Variants in SPON1 observed in about 807,000 individuals in gnomAD.
SPON1 encodes the protein spondin-1.
Under a neutral mutation model 111.7 loss-of-function variants are expected in SPON1, and 52 were observed. The ratio of observed to expected loss-of-function variants is 0.47; its 90% confidence interval spans 0.37 to 0.59. The LOEUF (loss-of-function observed/expected upper bound fraction) is 0.59, where lower values mean the gene tolerates loss of function less well. Ranked by LOEUF, SPON1 falls within the 20% of genes least tolerant of loss-of-function variation. SPON1 has a pLI of 0.00. For synonymous variants in SPON1, 410 were observed against 395.8 expected (o/e 1.04, Z -0.43); for missense variants, 957 against 1,068.5 (o/e 0.90, Z 1.46).
At chr11:14,237,905 G>T (rs1246677955) in intron 6 of SPON1, among the ~76,000 whole-genome samples, 2 of 152,240 alleles carry the variant, frequency 1.3e-5, no homozygotes, top group Non-Finnish European at 2.9e-5. Context: ...CTGGGCCACA[G>T]TGTGCACTTT....
chr11:14,119,943 CTGGCCACATTTAAGTGCTCAG>C (rs1849293120), intron 5 of SPON1, among the ~76,000 whole-genome samples: 1 of 152,180 alleles, frequency 6.6e-6, no homozygotes, highest in Non-Finnish European at 1.5e-5. Context: ...CTCAGTCACA[CTGGCCACATTTAAGTGCTCAG>C]TGGCCACATA....
intron 5 of SPON1, among the ~76,000 whole-genome samples, chr11:14,081,862 G>A (rs1163135787): frequency 6.6e-6 from 1 of 152,078 alleles, no homozygotes; most frequent in Non-Finnish European, 1.5e-5. Context: ...GACAAATCAA[G>A]AGCTCTATTG....
At chr11:14,078,696 C>A (rs548662088) in intron 4 of SPON1, among the ~76,000 whole-genome samples, 84 of 152,154 alleles carry the variant, frequency 5.5e-4, no homozygotes, top group African/African-American at 2.0e-3. Context: ...AATTTACTGA[C>A]CTGTAAAATG....
intron 3 of SPON1, among the ~76,000 whole-genome samples, chr11:14,068,952 A>G (rs766899016): frequency 2.0e-5 from 3 of 152,336 alleles, no homozygotes; most frequent in Non-Finnish European, 2.9e-5. Flanking sequence ...TATCAATGTC[A>G]ATATCATGGT....
chr11:14,126,679 T>G (rs1378093306), intron 5 of SPON1, among the ~76,000 whole-genome samples: 1 of 152,160 alleles, frequency 6.6e-6, no homozygotes, highest in Admixed American at 6.5e-5. Context: ...CCAAAAAGGA[T>G]AGTGATAGTC....
rs184088872 is a variant in SPON1 at position 14,225,396 on chromosome 11, G to A, written c.826-17936G>A. Among the ~76,000 whole-genome samples, 819 of 151,978 alleles carry A rather than the reference G, an allele frequency of 5.4e-3. 11 individuals are homozygous for A. Among genetic ancestry groups the A allele is most frequent in the African/African-American group, 0.019 (788 of 41,472 alleles). On this transcript the variant is annotated intron_variant, in intron 6 of 15. Coordinates refer to ENST00000576479, the MANE Select transcript of SPON1 (RefSeq NM_006108.4). ...AAAAAACAAAACTATACATAGTTTCGATCCAAACAGCATCCTCTCTCCTTA... is the reference window on the plus strand; with the variant it reads ...AAAAAACAAAACTATACATAGTTTCAATCCAAACAGCATCCTCTCTCCTTA...
intron 5 of SPON1, among the ~76,000 whole-genome samples, chr11:14,108,247 A>G (rs1849200425): frequency 6.6e-6 from 1 of 152,194 alleles, no homozygotes; most frequent in African/African-American, 2.4e-5. Context: ...CGATGTATAA[A>G]TGGTTCTTAG....
intron 6 of SPON1, among the ~76,000 whole-genome samples, chr11:14,188,272 T>C (rs1299342210): frequency 6.6e-6 from 1 of 152,106 alleles, no homozygotes; most frequent in Non-Finnish European, 1.5e-5. Flanking sequence ...CAGTGAAGGT[T>C]TTAAGATGGT....
chr11:14,023,090 C>T (rs1030116001), intron 2 of SPON1, among the ~76,000 whole-genome samples: 1 of 152,010 alleles, frequency 6.6e-6, no homozygotes, highest in African/African-American at 2.4e-5. Context: ...AACTGGAGCT[C>T]GGTGGGTGAG....
At chr11:14,145,680 A>G (rs782751411) in intron 6 of SPON1, among the ~76,000 whole-genome samples, 2 of 152,204 alleles carry the variant, frequency 1.3e-5, no homozygotes, top group Admixed American at 6.5e-5. Flanking sequence ...ATAATTCTAT[A>G]TCTAGGAATA....
chr11:14,217,718 A>C (rs538186536), intron 6 of SPON1, among the ~76,000 whole-genome samples: 1 of 152,314 alleles, frequency 6.6e-6, no homozygotes, highest in East Asian at 1.9e-4. Flanking sequence ...CTTAGGCAAA[A>C]TATTGAGATC....
Position 13,964,080 on chromosome 11 carries a change from G to T in SPON1, c.238+938G>T, listed in dbSNP as rs546483591. Reference sequence around the variant, plus strand: ...CGGGACAGGCAGTTCGACCAGCACCGATCTGAAGACGCCTGACTCTGTCCC... The same window carrying T: ...CGGGACAGGCAGTTCGACCAGCACCTATCTGAAGACGCCTGACTCTGTCCC... On this transcript the variant is annotated intron_variant, in intron 1 of 15. Coordinates refer to ENST00000576479, the MANE Select transcript of SPON1 (RefSeq NM_006108.4). Among the ~76,000 whole-genome samples the T allele has an allele frequency of 2.6e-5, 4 of 152,276 alleles. No homozygotes were observed. In the South Asian group the frequency reaches 8.3e-4, roughly 32 times the overall value.
Position 14,259,772 on chromosome 11 carries a change from T to C in SPON1, c.1831+71T>C. On this transcript the variant is annotated intron_variant, in intron 13 of 15. Transcript: ENST00000576479. The surrounding 1 kb of genome is among the most constrained non-coding windows in gnomAD (Gnocchi z 5.0). ...GCGTGGAGGGCCATGGCATCCACTA[T>C]TACCACCATAAAGGTCGGAGGCTGA... 1 of 1,472,888 alleles carries C rather than the reference T, an allele frequency of 6.8e-7. No homozygotes were observed. Among genetic ancestry groups the C allele is most frequent in the Middle Eastern group, 1.9e-4 (1 of 5,324 alleles). 91.2% of individuals were successfully genotyped at this position (1,472,888 alleles called of 1,614,324 possible). A position where few individuals can be genotyped will look rare whatever the true frequency, so the allele number is the denominator to read the frequency against.
intron 2 of SPON1, among the ~76,000 whole-genome samples, chr11:13,986,572 C>G (rs118104686): frequency 4.0e-5 from 6 of 150,228 alleles, no homozygotes; most frequent in Non-Finnish European, 7.4e-5. Flanking sequence ...TATAGTCACT[C>G]TGAATATTCT....
chr11:13,991,363 A>G (rs1591342872), intron 2 of SPON1, among the ~76,000 whole-genome samples: 1 of 151,984 alleles, frequency 6.6e-6, no homozygotes, highest in Admixed American at 6.6e-5. Context: ...CACTTGATCA[A>G]TTTGGCTATT....
chr11:14,124,224 C>T lies in SPON1; in HGVS notation c.677-11196C>T, dbSNP rs78809401. ...CACACGCACACACTACCATGACCTA[C>T]TCGTAGTCTTACACATATCTCTAGC... On this transcript the variant is annotated intron_variant, in intron 5 of 15. Coordinates refer to ENST00000576479, the MANE Select transcript of SPON1 (RefSeq NM_006108.4). Among the ~76,000 whole-genome samples the T allele has an allele frequency of 6.9e-3, 1,055 of 152,212 alleles. 10 individuals are homozygous for T. The highest frequency in any genetic ancestry group is 0.024 in the African/African-American group (1,016 of 41,528).
chr11:14,060,640 T>C (rs1848784647), intron 3 of SPON1, among the ~76,000 whole-genome samples: 1 of 152,248 alleles, frequency 6.6e-6, no homozygotes, highest in South Asian at 2.1e-4. Flanking sequence ...CTGGAAATTC[T>C]GATCTCATCT....
chr11:14,095,347 A>G (rs1240991427), intron 5 of SPON1, among the ~76,000 whole-genome samples: 4 of 152,140 alleles, frequency 2.6e-5, no homozygotes, highest in Admixed American at 2.6e-4. Context: ...ACAAAATTAA[A>G]CATTATATTA....
intron 6 of SPON1, among the ~76,000 whole-genome samples, chr11:14,159,911 G>C (rs1195438344): frequency 7.2e-6 from 1 of 139,508 alleles, no homozygotes; most frequent in Non-Finnish European, 1.6e-5. Flanking sequence ...GGTGGGAGGT[G>C]GGGGGGATGG....
Sources: allele counts gnomAD v4.1 joint callset (sites outside exome capture counted in the v4.1 genomes callset), GRCh38; gene constraint gnomAD v4.1.1; non-coding constraint Gnocchi (gnomAD v3.1); transcripts MANE v1.5; gene names NCBI Gene and HGNC (gene_info 2026-07-23, HGNC 2026-07-21).